JAZF1: variants seen among roughly 807,000 people sequenced by gnomAD.
The protein encoded by JAZF1 is juxtaposed with another zinc finger protein 1.
In JAZF1, 8 loss-of-function variants were observed where a neutral mutation model predicts 26.4. That is an observed-to-expected ratio of 0.30 (90% CI 0.18 to 0.55). The LOEUF (loss-of-function observed/expected upper bound fraction) is 0.55. Ranked by LOEUF, JAZF1 falls within the 20% of genes least tolerant of loss-of-function variation. The pLI is 0.94. For synonymous variants in JAZF1, 126 were observed against 122.3 expected (o/e 1.03, Z -0.20); for missense variants, 199 against 322.0 (o/e 0.62, Z 2.92).
rs573431435 is a variant in JAZF1 at position 27,896,714 on chromosome 7, T to A, written c.189-1298A>T. ...AGCTTGAAGTCAATTAAACACCCAA[T>A]GAAACAACAGTAATACTGTTACGCT... On this transcript the variant is annotated intron_variant, in intron 2 of 4. Coordinates refer to ENST00000283928, the MANE Select transcript of JAZF1 (RefSeq NM_175061.4). Among the ~76,000 whole-genome samples the A allele has an allele frequency of 9.2e-5, 14 of 152,312 alleles. No individual in the cohort carries two copies. The South Asian group carries it at 2.9e-3, about 32-fold the overall frequency.
intron 3 of JAZF1, among the ~76,000 whole-genome samples, chr7:27,858,280 C>G (rs1366816485): frequency 6.6e-6 from 1 of 152,132 alleles, no homozygotes. Context: ...TAGGAAGAAT[C>G]AATATCGTGA....
rs143086729 is a variant in JAZF1, at chr7:27,975,856, T to C, written c.188+16053A>G. On this transcript the variant is annotated intron_variant, in intron 2 of 4. Coordinates refer to ENST00000283928, the MANE Select transcript of JAZF1 (RefSeq NM_175061.4). ...TTGTATAAGCAACCTGTTTAAAACA[T>C]AGAGTGTCCTAAGAATGAACTGTAG... Among the ~76,000 whole-genome samples, 85 of 152,296 alleles carry C rather than the reference T, an allele frequency of 5.6e-4. 1 individual carries two copies. In the East Asian group the frequency reaches 0.01, roughly 18 times the overall value.
intron 1 of JAZF1, among the ~76,000 whole-genome samples, chr7:28,126,790 G>A (rs896642767): frequency 6.6e-6 from 1 of 152,168 alleles, no homozygotes; most frequent in African/African-American, 2.4e-5. Context: ...GGGAAAGGAA[G>A]GGGAGGGGAG....
intron 1 of JAZF1, among the ~76,000 whole-genome samples, chr7:28,074,402 T>A (rs997457338): frequency 5.9e-5 from 9 of 152,308 alleles, no homozygotes; most frequent in African/African-American, 2.2e-4. Flanking sequence ...CAGTATCCCA[T>A]ATGAAGCAGA....
chr7:28,021,150 T>C (rs988433779), intron 1 of JAZF1, among the ~76,000 whole-genome samples: 16 of 152,002 alleles, frequency 1.1e-4, no homozygotes, highest in African/African-American at 3.6e-4. Flanking sequence ...TAAAGGAAGA[T>C]TGGCAAGCGG....
chr7:27,847,617 G>C (rs1783055205), intron 3 of JAZF1, among the ~76,000 whole-genome samples: 1 of 152,042 alleles, frequency 6.6e-6, no homozygotes, highest in Admixed American at 6.5e-5. Flanking sequence ...CTGTTCCACT[G>C]GTCTATGTGG....
At chr7:27,971,062 C>T (rs1393818582) in intron 2 of JAZF1, among the ~76,000 whole-genome samples, 3 of 152,202 alleles carry the variant, frequency 2.0e-5, no homozygotes, top group Non-Finnish European at 2.9e-5. Flanking sequence ...AGCCAGTATG[C>T]GTTGAAAACA....
chr7:27,874,381 C>T (rs1220756741), intron 3 of JAZF1, among the ~76,000 whole-genome samples: 1 of 152,178 alleles, frequency 6.6e-6, no homozygotes, highest in African/African-American at 2.4e-5. Context: ...CACCTCTGCC[C>T]TCCTTTGCCA....
At chr7:27,849,575 G>A (rs1694021767) in intron 3 of JAZF1, among the ~76,000 whole-genome samples, 2 of 152,124 alleles carry the variant, frequency 1.3e-5, no homozygotes, top group African/African-American at 4.8e-5. Flanking sequence ...GCAGCCGAAA[G>A]GGGCCTCAAG....
At chr7:28,171,124 T>C (rs891535708) in intron 1 of JAZF1, among the ~76,000 whole-genome samples, 1 of 152,224 alleles carries the variant, frequency 6.6e-6, no homozygotes, top group African/African-American at 2.4e-5. Context: ...TCTGTATAGC[T>C]TCACAGTCCA....
At chr7:27,990,178 G>T (rs1161410476) in intron 2 of JAZF1, among the ~76,000 whole-genome samples, 6 of 152,276 alleles carry the variant, frequency 3.9e-5, no homozygotes, top group East Asian at 1.9e-4. Flanking sequence ...GCAAACTATT[G>T]CAAGGACAGA....
intron 1 of JAZF1, among the ~76,000 whole-genome samples, chr7:28,011,014 G>T (rs546693254): frequency 6.6e-6 from 1 of 152,114 alleles, no homozygotes; most frequent in Admixed American, 6.5e-5. Context: ...GGTAACTAGC[G>T]GGCTCCTCAC....
At chr7:27,899,384 A>G (rs756635527) in intron 2 of JAZF1, among the ~76,000 whole-genome samples, 39 of 152,198 alleles carry the variant, frequency 2.6e-4, no homozygotes, top group Non-Finnish European at 4.3e-4. Flanking sequence ...AGCTTTCCTC[A>G]ATGAGTCTGG....
intron 1 of JAZF1, among the ~76,000 whole-genome samples, chr7:28,040,798 G>A (rs1783377025): frequency 6.6e-6 from 1 of 152,178 alleles, no homozygotes; most frequent in Non-Finnish European, 1.5e-5. Context: ...GGAATTCAGA[G>A]ATGGATGCCA....
At position 27,965,043 on chromosome 7, in the gene JAZF1, C is replaced by T. The variant is rs114651028; in HGVS notation, c.188+26866G>A. 1.1e-3 allele frequency among the ~76,000 whole-genome samples: 171 copies of T among 152,150 alleles called. 1 individual carries two copies. Among genetic ancestry groups the T allele is most frequent in the African/African-American group, 3.7e-3 (154 of 41,518 alleles). On this transcript the variant is annotated intron_variant, in intron 2 of 4. Transcript: ENST00000283928. Reference sequence around the variant, plus strand: ...GGTTTTTCAGAAGTCAAGACAGCTGCGACAGCTACAGGGTTTCATTTATAG... The same window carrying T: ...GGTTTTTCAGAAGTCAAGACAGCTGTGACAGCTACAGGGTTTCATTTATAG...
rs7776664 is a variant in JAZF1, at chr7:27,836,049, G to A, written c.556-3073C>T. Among the ~76,000 whole-genome samples the A allele has an allele frequency of 8.3e-3, 1,261 of 152,286 alleles. 21 individuals are homozygous for A. The highest frequency in any genetic ancestry group is 0.029 in the African/African-American group (1,198 of 41,570). ...GTGAGTGACTTGGCCAAGATCACAT[G>A]GCTGGTAAATTACAGAACTGGAATA... On this transcript the variant is annotated intron_variant, in intron 4 of 4. Transcript: ENST00000283928.
chr7:28,020,894 G>A (rs1782995940), intron 1 of JAZF1: 1 of 344,704 alleles, frequency 2.9e-6, no homozygotes, highest in African/African-American at 2.1e-5. Flanking sequence ...ACTCCCTCAT[G>A]AAGTCTAAGG....
chr7:27,849,772 C>CACACACACATAT lies in JAZF1; in HGVS notation c.386-8906_386-8905insATATGTGTGTGT, dbSNP rs140580370. On this transcript the variant is annotated intron_variant, in intron 3 of 4. Transcript: ENST00000283928. Reference sequence around the variant, plus strand: ...ACACAGACACACACACACACACACACACCCCTACACCTCTTCCCGGCCGCC... The same window carrying CACACACACATAT: ...ACACAGACACACACACACACACACACACACACACATATACCCCTACACCTCTTCCCGGCCGCC... 5.5e-3 allele frequency among the ~76,000 whole-genome samples: 815 copies of CACACACACATAT among 147,108 alleles called. 13 individuals are homozygous for CACACACACATAT. Among genetic ancestry groups the CACACACACATAT allele is most frequent in the African/African-American group, 0.02 (776 of 38,592 alleles).
At chr7:27,854,747 C>T (rs1277343981) in intron 3 of JAZF1, among the ~76,000 whole-genome samples, 1 of 152,256 alleles carries the variant, frequency 6.6e-6, no homozygotes, top group Non-Finnish European at 1.5e-5. Flanking sequence ...TGCTGTTAGT[C>T]TGATGGGCTT....
Sources: gnomAD v4.1 joint callset for allele counts (sites outside exome capture counted in the v4.1 genomes callset) on GRCh38, gnomAD v4.1.1 for gene constraint, MANE v1.5 for transcripts, NCBI Gene and HGNC (gene_info 2026-07-23, HGNC 2026-07-21) for gene names.